Variants in TBC1D5 observed in about 807,000 individuals in gnomAD.
TBC1D5 encodes TBC1 domain family member 5, also known as TBC1 domain family, member 5.
Under a neutral mutation model 100.3 loss-of-function variants are expected in TBC1D5, and 75 were observed. The observed-to-expected ratio is 0.75, with a 90% confidence interval of 0.62 to 0.91. The LOEUF is 0.91. TBC1D5 is among the 40% of genes least tolerant of loss of function. The probability of loss-of-function intolerance (pLI) is 0.00; values close to 1 mark genes in which losing one functional copy is unlikely to be tolerated. For synonymous variants in TBC1D5, 323 were observed against 325.6 expected (o/e 0.99, Z 0.09); for missense variants, 910 against 942.4 (o/e 0.97, Z 0.45).
chr3:17,161,306 A>G, intron 21 of TBC1D5, 50 bp from the exon 23 acceptor site: 13 of 1,552,514 alleles, frequency 8.4e-6, no homozygotes, highest in Non-Finnish European at 1.1e-5. Context: ...AAACTGGCAA[A>G]GAACTGAGTG....
rs181671512 is a variant in TBC1D5, at chr3:17,610,694, T to G, written c.-36+13155A>C. Among the ~76,000 whole-genome samples the G allele has an allele frequency of 3.9e-5, 6 of 152,300 alleles. No homozygotes were observed. In the East Asian group the frequency reaches 1.2e-3, roughly 29 times the overall value. On this transcript the variant is annotated intron_variant, in intron 2 of 21. Coordinates refer to ENST00000253692, the Ensembl canonical transcript of TBC1D5. ...ATACAGACATATAAATCATGATGTT[T>G]CTTCTAGCAGAAAGTCGCTCCTTTA...
chr3:17,515,649 TTTG>T (rs1464317355), intron 2 of TBC1D5, among the ~76,000 whole-genome samples: 1 of 152,218 alleles, frequency 6.6e-6, no homozygotes, highest in African/African-American at 2.4e-5. Context: ...GGTAGTTTCC[TTTG>T]TTATGTTAAC....
intron 9 of TBC1D5, among the ~76,000 whole-genome samples, chr3:17,381,706 G>A (rs936408836): frequency 1.3e-5 from 2 of 151,968 alleles, no homozygotes; most frequent in East Asian, 1.9e-4. Context: ...TTAGTCTTTC[G>A]ACTTTTTATC....
chr3:17,160,976 G>T, exon 22 of TBC1D5: 2 of 1,613,652 alleles, frequency 1.2e-6, no homozygotes, highest in Non-Finnish European at 1.7e-6. Context: ...GATGTCCAGG[G>T]GACTCACAAT....
chr3:17,463,057 A>C (rs1307271271), intron 3 of TBC1D5, among the ~76,000 whole-genome samples: 1 of 152,196 alleles, frequency 6.6e-6, no homozygotes, highest in Non-Finnish European at 1.5e-5. Context: ...ACAGACATGC[A>C]CTGGAATTAA....
intron 17 of TBC1D5, among the ~76,000 whole-genome samples, chr3:17,223,391 T>C (rs962327098): frequency 2.6e-5 from 4 of 152,214 alleles, no homozygotes; most frequent in Non-Finnish European, 4.4e-5. Context: ...GCAAAATGCT[T>C]GTCCATGTAT....
chr3:17,348,035 C>G (rs960563338), intron 13 of TBC1D5, among the ~76,000 whole-genome samples: 13 of 152,004 alleles, frequency 8.6e-5, no homozygotes, highest in African/African-American at 2.7e-4. Flanking sequence ...TAGATGGAGC[C>G]CCCCCACCTC....
chr3:17,547,463 C>G (rs1248132580), intron 2 of TBC1D5, among the ~76,000 whole-genome samples: 1 of 152,136 alleles, frequency 6.6e-6, no homozygotes, highest in Non-Finnish European at 1.5e-5. Flanking sequence ...ACTAGCAATG[C>G]TTTTACTTCT....
chr3:17,563,918 G>A (rs976666487), intron 2 of TBC1D5, among the ~76,000 whole-genome samples: 1 of 152,160 alleles, frequency 6.6e-6, no homozygotes, highest in African/African-American at 2.4e-5. Context: ...GAGTAGCTGG[G>A]ACTACAAGCG....
chr3:17,674,821 C>T (rs974307000), intron 1 of TBC1D5, among the ~76,000 whole-genome samples: 3 of 151,750 alleles, frequency 2.0e-5, no homozygotes, highest in African/African-American at 4.8e-5. Flanking sequence ...GTGGTACACT[C>T]AAGAAAATAA....
At chr3:17,658,001 A>C (rs1232535354) in intron 1 of TBC1D5, among the ~76,000 whole-genome samples, 1 of 152,132 alleles carries the variant, frequency 6.6e-6, no homozygotes, top group Non-Finnish European at 1.5e-5. Context: ...TTCCTTTTCT[A>C]TGTTTAGATA....
intron 1 of TBC1D5, among the ~76,000 whole-genome samples, chr3:17,666,290 A>G (rs911517071): frequency 1.1e-4 from 17 of 152,308 alleles, no homozygotes; most frequent in African/African-American, 3.8e-4. Context: ...CATTAGATAC[A>G]CTGCAGTCTT....
chr3:17,672,583 C>T (rs1013693406), intron 1 of TBC1D5: 2 of 152,038 alleles, frequency 1.3e-5, no homozygotes, highest in African/African-American at 4.8e-5. Context: ...GCAAAACATA[C>T]AAAGATTTTT....
At chr3:17,718,321 C>A (rs1416947304) in intron 1 of TBC1D5, among the ~76,000 whole-genome samples, 1 of 152,148 alleles carries the variant, frequency 6.6e-6, no homozygotes, top group East Asian at 1.9e-4. Flanking sequence ...TGTGGTCAGG[C>A]ACGGTGGCTC....
At chr3:17,243,867 C>T (rs543617816) in intron 16 of TBC1D5, among the ~76,000 whole-genome samples, 3 of 151,998 alleles carry the variant, frequency 2.0e-5, no homozygotes, top group Non-Finnish European at 4.4e-5. Context: ...TGCTGTATAA[C>T]TTTGGCAATC....
intron 1 of TBC1D5, among the ~76,000 whole-genome samples, chr3:17,723,719 G>A (rs1232500710): frequency 6.6e-6 from 1 of 151,898 alleles, no homozygotes; most frequent in Non-Finnish European, 1.5e-5. Context: ...CAAAATTAAT[G>A]CATAAAATAC....
At chr3:17,657,782 C>G (rs920575602) in intron 1 of TBC1D5, among the ~76,000 whole-genome samples, 6 of 152,342 alleles carry the variant, frequency 3.9e-5, no homozygotes, top group Admixed American at 1.3e-4. Flanking sequence ...CAACACCTAT[C>G]TTATTTCCCT....
chr3:17,507,703 T>C (rs2153229605), intron 3 of TBC1D5, among the ~76,000 whole-genome samples: 2 of 152,320 alleles, frequency 1.3e-5, no homozygotes, highest in Middle Eastern at 6.8e-3. Flanking sequence ...GTCACAATCT[T>C]GATACCTGCA....
chr3:17,439,679 A>C (rs1205049181), intron 3 of TBC1D5, among the ~76,000 whole-genome samples: 1 of 152,156 alleles, frequency 6.6e-6, no homozygotes, highest in African/African-American at 2.4e-5. Flanking sequence ...TCCTTTTTCA[A>C]AGAAAAGAAT....
Sources: allele counts gnomAD v4.1 joint callset (sites outside exome capture counted in the v4.1 genomes callset), GRCh38; gene constraint gnomAD v4.1.1; transcripts MANE v1.5; gene names NCBI Gene and HGNC (gene_info 2026-07-23, HGNC 2026-07-21).